SHC4: variants seen among roughly 807,000 people sequenced by gnomAD.
SHC4 encodes the protein SHC-transforming protein 4.
In SHC4, 41 loss-of-function variants were observed where a neutral mutation model predicts 69.4. That is an observed-to-expected ratio of 0.59 (90% CI 0.46 to 0.77). The LOEUF (loss-of-function observed/expected upper bound fraction) is 0.77, where lower values mean the gene tolerates loss of function less well. Among genes scored for constraint, SHC4 ranks in the 30% least tolerant of loss-of-function variants. The probability of loss-of-function intolerance (pLI) is 0.00; values close to 1 mark genes in which losing one functional copy is unlikely to be tolerated. For missense variants in SHC4, 777 were observed against 783.8 expected (o/e 0.99, Z 0.10); for synonymous variants, 318 against 299.3 (o/e 1.06, Z -0.64).
chr15:48,855,939 A>G lies in SHC4; in HGVS notation c.1242+14T>C, dbSNP rs1325029001. Reference sequence around the variant, plus strand: ...TTGCATTGCTGGTTCCAACAACAATAAAACATTACATACCAAATAGCACAA... The same window carrying G: ...TTGCATTGCTGGTTCCAACAACAATGAAACATTACATACCAAATAGCACAA... On this transcript the variant is annotated intron_variant, in intron 8 of 11. Transcript: ENST00000332408. 6.3e-7 allele frequency: 1 copy of G among 1,598,712 alleles called. No individual in the cohort carries two copies.
chr15:48,824,422 AAAAC>A lies in SHC4; in HGVS notation c.*1545_*1548del, dbSNP rs983317779. The A allele has an allele frequency of 6.6e-6, 1 of 152,024 alleles. No individual in the cohort carries two copies. The highest frequency in any genetic ancestry group is 2.4e-5 in the African/African-American group (1 of 41,430). 9.4% of individuals were successfully genotyped at this position (152,024 alleles called of 1,614,324 possible). On this transcript the variant is annotated 3_prime_UTR_variant, in exon 12 of 12. Transcript: ENST00000332408. ...TCCAGATAACTCAAGATTAAAAAAA[AAAAC>A]AAAAAACATTTTTCTTGGAAAGGCA...
chr15:48,878,178 T>C (rs753708135), intron 4 of SHC4: 10 of 1,550,404 alleles, frequency 6.4e-6, no homozygotes, highest in Middle Eastern at 3.5e-4. Flanking sequence ...GTTTGCACAA[T>C]GTCGGAAATG....
chr15:48,825,120 C>T lies in SHC4; in HGVS notation c.*851G>A, dbSNP rs1342619839. 6.6e-6 allele frequency: 1 copy of T among 152,028 alleles called. No individual in the cohort carries two copies. Among genetic ancestry groups the T allele is most frequent in the African/African-American group, 2.4e-5 (1 of 41,326 alleles). The allele number at this position is 152,028 out of a possible 1,614,324, so 9.4% of individuals were successfully genotyped here. ...TATGAAGAATACTGGTTTTGTTTGC[C>T]CTCTTTTAAATCCATGCACTCATGA... On this transcript the variant is annotated 3_prime_UTR_variant, in exon 12 of 12. Transcript: ENST00000332408.
intron 1 of SHC4, among the ~76,000 whole-genome samples, chr15:48,951,592 G>A (rs1435235712): frequency 2.0e-5 from 3 of 151,918 alleles, no homozygotes; most frequent in African/African-American, 7.3e-5. Context: ...TATGCCTCTT[G>A]CACTGTTTAA....
chr15:48,893,818 T>G (rs1900175452), intron 2 of SHC4, among the ~76,000 whole-genome samples: 2 of 152,204 alleles, frequency 1.3e-5, no homozygotes, highest in South Asian at 4.1e-4. Flanking sequence ...ATGTCAAAAT[T>G]TATCAGAGCA....
intron 6 of SHC4, among the ~76,000 whole-genome samples, chr15:48,860,180 T>C (rs1256143712): frequency 6.6e-6 from 1 of 152,060 alleles, no homozygotes; most frequent in Admixed American, 6.5e-5. Context: ...GAAAAGGTAA[T>C]CCTTTTGTTT....
At chr15:48,886,831 G>A (rs911648763) in intron 3 of SHC4, among the ~76,000 whole-genome samples, 1 of 152,178 alleles carries the variant, frequency 6.6e-6, no homozygotes, top group African/African-American at 2.4e-5. Context: ...CTGGCCTTGG[G>A]AGAGGTCATT....
Position 48,855,943 on chromosome 15 carries a change from C to A in SHC4, c.1242+10G>T. ...ATTGCTGGTTCCAACAACAATAAAA[C>A]ATTACATACCAAATAGCACAACTTT... is the stretch of plus-strand genomic sequence containing the variant. On this transcript the variant is annotated intron_variant, in intron 8 of 11. Transcript: ENST00000332408. 6.2e-7 allele frequency: 1 copy of A among 1,602,644 alleles called. No individual in the cohort carries two copies. Among genetic ancestry groups the A allele is most frequent in the Admixed American group, 1.7e-5 (1 of 58,538 alleles).
chr15:48,915,233 T>A (rs1418372157), intron 2 of SHC4, among the ~76,000 whole-genome samples: 1 of 152,252 alleles, frequency 6.6e-6, no homozygotes, highest in Non-Finnish European at 1.5e-5. Context: ...GCCTGCTGTG[T>A]GAAAGACATT....
chr15:48,924,202 A>G (rs1327632305), intron 2 of SHC4, among the ~76,000 whole-genome samples: 1 of 152,056 alleles, frequency 6.6e-6, no homozygotes, highest in Non-Finnish European at 1.5e-5. Flanking sequence ...TGAACCACTC[A>G]TATCGACCCA....
rs1257946648 is a variant in SHC4, at chr15:48,963,674, C to T, written c.-659G>A. Among the ~76,000 whole-genome samples, 1 of 152,190 alleles carries T rather than the reference C, an allele frequency of 6.6e-6. No homozygotes were observed. Among genetic ancestry groups the T allele is most frequent in the Non-Finnish European group, 1.5e-5 (1 of 68,044 alleles). Reference sequence around the variant, plus strand: ...GGCCACCAGCCAGGAGTACTACTGACGGGCGCTGCTCCGCATTGTTTCACT... The same window carrying T: ...GGCCACCAGCCAGGAGTACTACTGATGGGCGCTGCTCCGCATTGTTTCACT... On this transcript the variant is annotated 5_prime_UTR_variant, in exon 1 of 12. Coordinates refer to ENST00000332408, the MANE Select transcript of SHC4 (RefSeq NM_203349.4).
intron 3 of SHC4, among the ~76,000 whole-genome samples, chr15:48,890,315 G>A (rs1383227217): frequency 2.0e-5 from 3 of 152,126 alleles, no homozygotes; most frequent in African/African-American, 7.2e-5. Flanking sequence ...CTAGAAAATA[G>A]GCCAGGAAGC....
At chr15:48,841,990 A>C (rs1056641977) in intron 10 of SHC4, among the ~76,000 whole-genome samples, 3 of 152,200 alleles carry the variant, frequency 2.0e-5, no homozygotes. Flanking sequence ...GCAGTTCTGG[A>C]GAAATCTCCT....
intron 9 of SHC4, among the ~76,000 whole-genome samples, chr15:48,849,161 C>A (rs1427899374): frequency 6.6e-6 from 1 of 152,110 alleles, no homozygotes; most frequent in East Asian, 1.9e-4. Context: ...CTCTCTGTCC[C>A]AGTGATCTGG....
At chr15:48,877,442 G>A (rs1289630902) in intron 4 of SHC4, 86 of 980,552 alleles carry the variant, frequency 8.8e-5, no homozygotes, top group Non-Finnish European at 1.0e-4. Context: ...CTTAAAACCT[G>A]AGGCTTTTAA....
intron 9 of SHC4, among the ~76,000 whole-genome samples, chr15:48,845,909 C>T (rs117809369): frequency 0.024 from 3,660 of 152,072 alleles, 72 homozygotes; most frequent in Non-Finnish European, 0.035. Context: ...ACAACTTATA[C>T]ATTATTAAAT....
intron 8 of SHC4, among the ~76,000 whole-genome samples, chr15:48,852,327 A>T (rs943262507): frequency 6.6e-6 from 1 of 152,200 alleles, no homozygotes; most frequent in African/African-American, 2.4e-5. Flanking sequence ...ATAAAAAGAA[A>T]AGGTAAGACT....
chr15:48,942,409 T>C (rs574374453), intron 1 of SHC4, among the ~76,000 whole-genome samples: 1 of 152,118 alleles, frequency 6.6e-6, no homozygotes, highest in African/African-American at 2.4e-5. Context: ...ATAACTTAAA[T>C]AACCAACACC....
intron 10 of SHC4, among the ~76,000 whole-genome samples, chr15:48,842,299 G>C (rs1017832767): frequency 1.3e-5 from 2 of 152,158 alleles, no homozygotes; most frequent in African/African-American, 4.8e-5. Context: ...GTTTTGAAAT[G>C]AATAAAATTA....
Sources: gnomAD v4.1 joint callset for allele counts (sites outside exome capture counted in the v4.1 genomes callset) on GRCh38, gnomAD v4.1.1 for gene constraint, MANE v1.5 for transcripts, NCBI Gene and HGNC (gene_info 2026-07-23, HGNC 2026-07-21) for gene names.